SRP54: variants seen among roughly 807,000 people sequenced by gnomAD.
SRP54 encodes signal recognition particle 54.
In SRP54, 10 loss-of-function variants were observed where a neutral mutation model predicts 64.8. The observed-to-expected ratio is 0.15, with a 90% CI of 0.10 to 0.26. The LOEUF is 0.26. Among genes scored for constraint, SRP54 ranks in the 10% least tolerant of loss-of-function variants. SRP54 has a pLI of 1.00. For missense variants in SRP54, 325 were observed against 613.7 expected, an observed-to-expected ratio of 0.53 and a Z score of 4.97; for synonymous variants, 193 against 185.6, an observed-to-expected ratio of 1.04 and a Z score of -0.32.
rs985885663 is a variant in SRP54, at chr14:35,007,450, G to A, written c.360+63G>A. On this transcript the variant is annotated intron_variant, in intron 5 of 15. Transcript: ENST00000216774. ...GATAGGTTTGTATAAATCAAGTTTT[G>A]TATTTAATATAAAAATGTAAAGCCT... 334 of 960,988 alleles carry A rather than the reference G, an allele frequency of 3.5e-4. 1 individual carries two copies. Among genetic ancestry groups the A allele is most frequent in the Admixed American group, 5.6e-5 (2 of 35,892 alleles). 59.5% of individuals were successfully genotyped at this position (960,988 alleles called of 1,614,324 possible). A position where few individuals can be genotyped will look rare whatever the true frequency, so the allele number is the denominator to read the frequency against.
rs1450721772 is a variant in SRP54, at chr14:35,011,835, G to A, written c.636+176G>A. On this transcript the variant is annotated intron_variant, in intron 8 of 15. Transcript: ENST00000216774. ...GTAGGGACTTAATTTCATTATTTTT[G>A]TTCTCCATTAAATATAAAATTTTCA... is the stretch of plus-strand genomic sequence containing the variant. Among the ~76,000 whole-genome samples, 3 of 151,982 alleles carry A rather than the reference G, an allele frequency of 2.0e-5. No individual in the cohort carries two copies. The East Asian group carries it at 5.8e-4, about 29-fold the overall frequency.
intron 2 of SRP54, among the ~76,000 whole-genome samples, chr14:34,999,003 GT>G (rs2044124688): frequency 1.0e-5 from 1 of 96,614 alleles, no homozygotes; most frequent in Non-Finnish European, 2.1e-5. Flanking sequence ...GTGTGTGTGT[GT>G]GTGTGTGTGG....
chr14:35,016,575 A>G (rs576071510), intron 11 of SRP54, among the ~76,000 whole-genome samples: 1 of 152,296 alleles, frequency 6.6e-6, no homozygotes, highest in African/African-American at 2.4e-5. Context: ...GTCCTTCTTC[A>G]GGGACATTTC....
intron 4 of SRP54, among the ~76,000 whole-genome samples, chr14:35,003,566 T>G (rs1188625099): frequency 9.0e-6 from 1 of 110,656 alleles, no homozygotes; most frequent in African/African-American, 3.0e-5. Flanking sequence ...TTTTTTGGTT[T>G]TTTTGGTTTT....
intron 2 of SRP54, 102 bp from the exon 3 acceptor site, chr14:34,999,456 G>T: frequency 1.4e-6 from 1 of 738,396 alleles, no homozygotes; most frequent in Non-Finnish European, 2.3e-6. Flanking sequence ...CCAGTAGTGT[G>T]GTATTACTAA....
intron 11 of SRP54, 58 bp downstream of exon 11, chr14:35,014,888 A>G (rs572648038): frequency 1.6e-6 from 2 of 1,289,838 alleles, no homozygotes; most frequent in East Asian, 2.3e-5. Flanking sequence ...TTTTTTTTAT[A>G]AAGTTACTAT....
At position 34,996,815 on chromosome 14, in the gene SRP54, A is replaced by G. The variant is rs1464831474; in HGVS notation, c.78+28A>G. The G allele has an allele frequency of 8.3e-6, 12 of 1,448,964 alleles. No homozygotes were observed. The East Asian group carries it at 9.1e-5, about 11-fold the overall frequency. 89.8% of individuals were successfully genotyped at this position (1,448,964 alleles called of 1,614,324 possible). On this transcript the variant is annotated intron_variant, in intron 2 of 15. Transcript: ENST00000216774. ...ATGTAAAATATTGTATGAAATATATATGATTGTATATTGTCACTAGCATTG... is the reference window on the plus strand; with the variant it reads ...ATGTAAAATATTGTATGAAATATATGTGATTGTATATTGTCACTAGCATTG...
At chr14:34,995,385 A>G (rs775693557) in intron 1 of SRP54, among the ~76,000 whole-genome samples, 6 of 151,958 alleles carry the variant, frequency 3.9e-5, no homozygotes, top group Non-Finnish European at 7.4e-5. Context: ...TTTTAATCCA[A>G]AGGCTTGAGA....
chr14:35,019,834 G>A (rs777758177), intron 13 of SRP54, among the ~76,000 whole-genome samples: 2 of 152,258 alleles, frequency 1.3e-5, no homozygotes, highest in South Asian at 2.1e-4. Context: ...AGTCTATTAA[G>A]TGTGCAAGAG....
chr14:35,007,360 G>T lies in SRP54; in HGVS notation c.333G>T (p.Gly111=). 6.3e-7 allele frequency: 1 copy of T among 1,591,538 alleles called. No individual in the cohort carries two copies. The highest frequency in any genetic ancestry group is 8.6e-7 in the Non-Finnish European group (1 of 1,165,002). The change falls in exon 5 of 16, where the codon GGG becomes GGT. Residue 111 remains glycine, a synonymous_variant. Transcript: ENST00000216774. ...TGATTATGTTTGTTGGATTGCAAGGGAGTGGTAAAACAACAACATGTTCAA... is the reference window on the plus strand; with the variant it reads ...TGATTATGTTTGTTGGATTGCAAGGTAGTGGTAAAACAACAACATGTTCAA... ...QNVIMFVGLQ[G]SGKTTTCSKL...
chr14:35,018,320 A>G (rs758669560), intron 11 of SRP54, among the ~76,000 whole-genome samples: 8 of 152,150 alleles, frequency 5.3e-5, no homozygotes, highest in Admixed American at 3.9e-4. Flanking sequence ...TTGCTATTCT[A>G]TATTCTCACC....
At chr14:35,004,639 A>C (rs937670293) in intron 4 of SRP54, 3 of 152,210 alleles carry the variant, frequency 2.0e-5, no homozygotes, top group Non-Finnish European at 4.4e-5. Flanking sequence ...GGTGGGAGGA[A>C]GAGAAGACAA....
Position 35,015,216 on chromosome 14 carries a change from A to G in SRP54, c.973+386A>G, listed in dbSNP as rs2044419069. 2.6e-5 allele frequency among the ~76,000 whole-genome samples: 4 copies of G among 152,202 alleles called. No homozygotes were observed. The South Asian group carries it at 8.3e-4, about 32-fold the overall frequency. ...CTCAGCCTCCTGAGTAGCTGGGATT[A>G]CGGGCACGTACCACCAGGCCCGGCT... On this transcript the variant is annotated intron_variant, in intron 11 of 15. Coordinates refer to ENST00000216774, the MANE Select transcript of SRP54 (RefSeq NM_003136.4).
chr14:35,000,531 C>T (rs1443350867), intron 3 of SRP54, among the ~76,000 whole-genome samples: 1 of 150,088 alleles, frequency 6.7e-6, no homozygotes, highest in Non-Finnish European at 1.5e-5. Context: ...CATGCCACTG[C>T]ACTCCATCCT....
intron 1 of SRP54, among the ~76,000 whole-genome samples, chr14:34,990,501 A>G (rs964520799): frequency 2.0e-5 from 3 of 152,336 alleles, no homozygotes; most frequent in South Asian, 2.1e-4. Flanking sequence ...TAGATGTTCA[A>G]CTGTAAGAAA....
At chr14:35,000,695 A>C (rs2044156618) in intron 3 of SRP54, among the ~76,000 whole-genome samples, 1 of 152,210 alleles carries the variant, frequency 6.6e-6, no homozygotes, top group Non-Finnish European at 1.5e-5. Context: ...ATTAGGACAA[A>C]TTTATATTTA....
At chr14:34,988,575 A>ACATATATATATATAT (rs1335355701) in intron 1 of SRP54, among the ~76,000 whole-genome samples, 1 of 26,448 alleles carries the variant, frequency 3.8e-5, no homozygotes, top group Non-Finnish European at 1.4e-4. Context: ...AAAAAAAAAA[A>ACATATATATATATAT]AAAATATATA....
chr14:34,983,234 C>T lies in SRP54; in HGVS notation c.-34+19C>T, dbSNP rs1244678909. 2.0e-5 allele frequency: 3 copies of T among 152,332 alleles called. No homozygotes were observed. The highest frequency in any genetic ancestry group is 7.2e-5 in the African/African-American group (3 of 41,472). 9.4% of individuals were successfully genotyped at this position (152,332 alleles called of 1,614,324 possible). A position where few individuals can be genotyped will look rare whatever the true frequency, so the allele number is the denominator to read the frequency against. On this transcript the variant is annotated intron_variant, in intron 1 of 15. Transcript: ENST00000216774. ...TTTTGCGGTAAGTGTCTGCTTTTTCCCGCCCCAGACTACGGAGGGGGAGCG... is the reference window on the plus strand; with the variant it reads ...TTTTGCGGTAAGTGTCTGCTTTTTCTCGCCCCAGACTACGGAGGGGGAGCG...
intron 1 of SRP54, among the ~76,000 whole-genome samples, chr14:34,994,757 C>G (rs1156544463): frequency 6.6e-6 from 1 of 151,822 alleles, no homozygotes; most frequent in African/African-American, 2.4e-5. Context: ...TACTCTCTGC[C>G]TTAGTCTAAA....
Sources: gnomAD v4.1 joint callset for allele counts (sites outside exome capture counted in the v4.1 genomes callset) on GRCh38, gnomAD v4.1.1 for gene constraint, MANE v1.5 for transcripts, NCBI Gene and HGNC (gene_info 2026-07-23, HGNC 2026-07-21) for gene names.